CBFA2T2: variants seen among roughly 807,000 people sequenced by gnomAD.
CBFA2T2 encodes CBFA2/RUNX1 partner transcriptional co-repressor 2, also known as protein CBFA2T2.
A neutral mutation model predicts 62.2 loss-of-function variants in CBFA2T2; 11 were observed. The ratio of observed to expected loss-of-function variants is 0.18; its 90% CI spans 0.11 to 0.29. The LOEUF (loss-of-function observed/expected upper bound fraction) is 0.29, where lower values mean the gene tolerates loss of function less well. CBFA2T2 is among the 10% of genes least tolerant of loss of function. The pLI is 1.00. For synonymous variants in CBFA2T2, 295 were observed against 287.5 expected, an observed-to-expected ratio of 1.03 and a Z score of -0.27; for missense variants, 592 against 774.1, an observed-to-expected ratio of 0.76 and a Z score of 2.79.
intron 1 of CBFA2T2, among the ~76,000 whole-genome samples, chr20:33,543,910 C>T (rs1312427597): frequency 2.0e-5 from 3 of 152,194 alleles, no homozygotes; most frequent in Middle Eastern, 3.4e-3. Flanking sequence ...CCTGTTTGTT[C>T]TACCTTGAGA....
At chr20:33,570,435 C>T (rs889603741) in intron 1 of CBFA2T2, among the ~76,000 whole-genome samples, 1 of 152,082 alleles carries the variant, frequency 6.6e-6, no homozygotes, top group South Asian at 2.1e-4. Context: ...GAGTTTTTTT[C>T]AGAGCTTTTT....
intron 1 of CBFA2T2, among the ~76,000 whole-genome samples, chr20:33,540,356 A>G (rs996641916): frequency 1.3e-5 from 2 of 152,214 alleles, no homozygotes; most frequent in African/African-American, 2.4e-5. Context: ...ATAGCCTACT[A>G]CACACCTAGG....
At chr20:33,499,219 G>A (rs903732626) in intron 1 of CBFA2T2, among the ~76,000 whole-genome samples, 1 of 152,076 alleles carries the variant, frequency 6.6e-6, no homozygotes, top group Non-Finnish European at 1.5e-5. Flanking sequence ...CTAAGTTCAG[G>A]GTAATGAAAA....
intron 1 of CBFA2T2, among the ~76,000 whole-genome samples, chr20:33,564,515 A>G (rs896826183): frequency 6.6e-6 from 1 of 151,800 alleles, no homozygotes; most frequent in Non-Finnish European, 1.5e-5. Flanking sequence ...TCAGCCTCCC[A>G]AAGTGCTGGG....
chr20:33,546,408 A>G (rs971268328), intron 1 of CBFA2T2, among the ~76,000 whole-genome samples: 2 of 148,400 alleles, frequency 1.3e-5, no homozygotes, highest in Admixed American at 6.7e-5. Context: ...TTAGCTCAGC[A>G]TGGCCTATCT....
At chr20:33,596,504 T>G (rs868803552) in intron 1 of CBFA2T2, among the ~76,000 whole-genome samples, 2 of 152,228 alleles carry the variant, frequency 1.3e-5, no homozygotes, top group South Asian at 2.1e-4. Flanking sequence ...CCCGGTAGAT[T>G]ATACTCTTTA....
chr20:33,528,223 G>C (rs1205204967), intron 1 of CBFA2T2, among the ~76,000 whole-genome samples: 3 of 152,162 alleles, frequency 2.0e-5, no homozygotes, highest in African/African-American at 7.2e-5. Context: ...TCTGGAGACT[G>C]TGATATGTAT....
intron 1 of CBFA2T2, among the ~76,000 whole-genome samples, chr20:33,573,794 A>G (rs530604561): frequency 6.7e-6 from 1 of 150,034 alleles, no homozygotes; most frequent in East Asian, 2.0e-4. Flanking sequence ...TATTATTATT[A>G]TTTTGACACA....
At chr20:33,633,377 AAAATAAATAAAT>A (rs66921034) in intron 8 of CBFA2T2, among the ~76,000 whole-genome samples, 2 of 147,404 alleles carry the variant, frequency 1.4e-5, no homozygotes, top group African/African-American at 5.0e-5. Flanking sequence ...TCGCAAAAAA[AAAATAAATAAAT>A]AAATAAATAA....
intron 1 of CBFA2T2, among the ~76,000 whole-genome samples, chr20:33,545,518 G>A (rs781226009): frequency 2.5e-5 from 3 of 121,484 alleles, no homozygotes; most frequent in Non-Finnish European, 5.0e-5. Context: ...GCACGATCTC[G>A]CCTCACTGCA....
At chr20:33,538,144 G>T (rs1418270628) in intron 1 of CBFA2T2, among the ~76,000 whole-genome samples, 1 of 152,036 alleles carries the variant, frequency 6.6e-6, no homozygotes. Context: ...TTTCTCAGTA[G>T]TATTTTTGTG....
At chr20:33,574,045 G>A in intron 1 of CBFA2T2, 1 of 1,366,840 alleles carries the variant, frequency 7.3e-7, no homozygotes, top group Non-Finnish European at 9.7e-7. Flanking sequence ...CATGTTGGCT[G>A]CCCAAAGTGC....
chr20:33,618,635 G>A (rs2015805661), intron 3 of CBFA2T2: 1 of 151,520 alleles, frequency 6.6e-6, no homozygotes, highest in Non-Finnish European at 1.5e-5. Flanking sequence ...TTTTGCTTCT[G>A]GTGGTTTTTG....
chr20:33,631,698 C>T (rs976552523), intron 8 of CBFA2T2, among the ~76,000 whole-genome samples: 1 of 152,218 alleles, frequency 6.6e-6, no homozygotes, highest in Non-Finnish European at 1.5e-5. Flanking sequence ...CCAGTTTATA[C>T]CTGTGTCCTG....
chr20:33,501,841 T>C (rs773399089), intron 1 of CBFA2T2, among the ~76,000 whole-genome samples: 1 of 151,994 alleles, frequency 6.6e-6, no homozygotes, highest in African/African-American at 2.4e-5. Flanking sequence ...GGTTTCACCA[T>C]GTTGGCCTGG....
intron 1 of CBFA2T2, among the ~76,000 whole-genome samples, chr20:33,558,827 G>GGT (rs921868993): frequency 3.9e-5 from 6 of 151,994 alleles, no homozygotes; most frequent in African/African-American, 1.5e-4. Context: ...ACTGTTTGGG[G>GGT]GGGCGGCGAT....
chr20:33,567,577 CTT>C (rs373964050), intron 1 of CBFA2T2, among the ~76,000 whole-genome samples: 29 of 138,906 alleles, frequency 2.1e-4, no homozygotes, highest in Admixed American at 3.6e-4. Flanking sequence ...GTAAATTAAA[CTT>C]TTTTTTTTTT....
At position 33,648,009 on chromosome 20, in the gene CBFA2T2, T is replaced by C. The variant is rs1045977676; in HGVS notation, c.*3363T>C. On this transcript the variant is annotated 3_prime_UTR_variant, in exon 11 of 11. Transcript: ENST00000342704. ...TCTCTGGTCAGGAGGAGGAGCACCA[T>C]TGGGGCGGGGTAGGCAGCTAGAGGC... 5.9e-5 allele frequency: 9 copies of C among 152,328 alleles called. No homozygotes were observed. The highest frequency in any genetic ancestry group is 2.1e-4 in the South Asian group (1 of 4,824). The allele number at this position is 152,328 out of a possible 1,614,324, so 9.4% of individuals were successfully genotyped here. A position where few individuals can be genotyped will look rare whatever the true frequency, so the allele number is the denominator to read the frequency against.
rs938302338 is a variant in CBFA2T2 at position 33,490,224 on chromosome 20, T to G, written c.-44T>G. On this transcript the variant is annotated 5_prime_UTR_variant, in exon 1 of 11. Coordinates refer to ENST00000342704, the MANE Select transcript of CBFA2T2 (RefSeq NM_001032999.3). ...GCGGGCGGCGCCTGCGAGGGACCCG[T>G]GTCGCGGGTAGAGGCGGGCGGCGCG... 3.0e-5 allele frequency: 36 copies of G among 1,218,506 alleles called. No homozygotes were observed. The highest frequency in any genetic ancestry group is 4.8e-5 in the African/African-American group (3 of 62,106). The allele number at this position is 1,218,506 out of a possible 1,614,324, so 75.5% of individuals were successfully genotyped here.
Sources: allele counts gnomAD v4.1 joint callset (sites outside exome capture counted in the v4.1 genomes callset), GRCh38; gene constraint gnomAD v4.1.1; transcripts MANE v1.5; gene names NCBI Gene and HGNC (gene_info 2026-07-23, HGNC 2026-07-21).